CDH8: variants seen among roughly 807,000 people sequenced by gnomAD.
CDH8 encodes the protein cadherin-8.
A neutral mutation model predicts 68.1 loss-of-function variants in CDH8; 17 were observed. The observed-to-expected ratio is 0.25, with a 90% CI of 0.17 to 0.37. The LOEUF is 0.37. Among genes scored for constraint, CDH8 ranks in the 10% least tolerant of loss-of-function variants. The pLI is 1.00. For synonymous variants in CDH8, 372 were observed against 365.1 expected (o/e 1.02, Z -0.21); for missense variants, 763 against 999.3 (o/e 0.76, Z 3.19).
chr16:61,873,095 A>G (rs796735804), intron 3 of CDH8, among the ~76,000 whole-genome samples: 21 of 152,284 alleles, frequency 1.4e-4, no homozygotes, highest in African/African-American at 5.1e-4. Context: ...TGTTTCTATG[A>G]TTCTTTTCTA....
chr16:61,715,046 T>C (rs531079561), intron 9 of CDH8, among the ~76,000 whole-genome samples: 99 of 151,748 alleles, frequency 6.5e-4, no homozygotes, highest in African/African-American at 2.3e-3. Flanking sequence ...GGGCTTTGCA[T>C]TGTATCAAGC....
At chr16:61,872,851 C>G (rs1003892275) in intron 3 of CDH8, among the ~76,000 whole-genome samples, 1 of 152,126 alleles carries the variant, frequency 6.6e-6, no homozygotes, top group Non-Finnish European at 1.5e-5. Flanking sequence ...ACCTCTTTAA[C>G]AACACAACTC....
Position 61,836,955 on chromosome 16 carries a change from T to C in CDH8, c.668-11776A>G, listed in dbSNP as rs567955798. 2.3e-4 allele frequency among the ~76,000 whole-genome samples: 35 copies of C among 152,124 alleles called. No individual in the cohort carries two copies. The South Asian group carries it at 7.0e-3, about 31-fold the overall frequency. ...CACAGATCTCACAACTAACCCTGGA[T>C]AATCTTCTCACCACTCCTTTTGTTC... On this transcript the variant is annotated intron_variant, in intron 4 of 11. Coordinates refer to ENST00000577390, the MANE Select transcript of CDH8 (RefSeq NM_001796.5).
intron 8 of CDH8, among the ~76,000 whole-genome samples, chr16:61,777,882 C>T (rs1960940936): frequency 6.6e-6 from 1 of 152,066 alleles, no homozygotes; most frequent in Admixed American, 6.6e-5. Context: ...TGATTCCCTC[C>T]CCAGGAATCT....
chr16:61,886,113 T>G (rs1963668124), intron 3 of CDH8, among the ~76,000 whole-genome samples: 1 of 152,176 alleles, frequency 6.6e-6, no homozygotes. Flanking sequence ...TTCAGCTCAT[T>G]GCTTTTATCT....
Position 61,655,490 on chromosome 16 carries a change from G to A in CDH8, c.1886C>T (p.Ala629Val). The change falls in exon 11 of 12, where the codon GCA (alanine) becomes GTA (valine). Residue 629 changes from alanine (A) to valine (V), a missense_variant. Physicochemically the swap from Ala to Val is moderately conservative, Grantham distance 64. Coordinates refer to ENST00000577390, the MANE Select transcript of CDH8 (RefSeq NM_001796.5). ...LSMGALIAIL[A>V]CIILLLVIVV... Reference sequence around the variant, plus strand: ...CGTACCTAACAGCAAAATGATGCATGCTAATATGGCAATTAAGGCGCCCAT... The same window carrying A: ...CGTACCTAACAGCAAAATGATGCATACTAATATGGCAATTAAGGCGCCCAT... 6.2e-7 allele frequency: 1 copy of A among 1,614,112 alleles called. No homozygotes were observed.
intron 4 of CDH8, among the ~76,000 whole-genome samples, chr16:61,835,776 A>T (rs1296167099): frequency 4.6e-5 from 7 of 151,974 alleles, no homozygotes; most frequent in African/African-American, 9.7e-5. Flanking sequence ...ATTATGGTTT[A>T]AAAAAGCAAA....
intron 9 of CDH8, among the ~76,000 whole-genome samples, chr16:61,715,657 T>A (rs1246940796): frequency 6.6e-6 from 1 of 151,632 alleles, no homozygotes; most frequent in Non-Finnish European, 1.5e-5. Context: ...TGACCCAACA[T>A]GATCAGACTA....
chr16:61,911,310 T>C (rs1027773028), intron 2 of CDH8, among the ~76,000 whole-genome samples: 35 of 152,260 alleles, frequency 2.3e-4, no homozygotes, highest in African/African-American at 7.7e-4. Context: ...AAGCGATTAC[T>C]AACTAAATGA....
intron 2 of CDH8, among the ~76,000 whole-genome samples, chr16:61,928,852 T>G (rs1038075261): frequency 6.6e-6 from 1 of 152,210 alleles, no homozygotes; most frequent in African/African-American, 2.4e-5. Flanking sequence ...AAAGCAGAAG[T>G]GTCTGTCAAG....
intron 9 of CDH8, among the ~76,000 whole-genome samples, chr16:61,714,828 TAAC>T (rs370133440): frequency 1.3e-5 from 2 of 151,818 alleles, no homozygotes; most frequent in Non-Finnish European, 3.0e-5. Flanking sequence ...AAAAAGTAGT[TAAC>T]AGTGAAATGT....
rs1964738845 is a variant in CDH8, at chr16:61,716,763, T to G, written c.1537-2805A>C. ...TTAAGATTTTTGGTTAAACCACATT[T>G]GACACTTCAAAACAGATATCCCCTG... On this transcript the variant is annotated intron_variant, in intron 9 of 11. Coordinates refer to ENST00000577390, the MANE Select transcript of CDH8 (RefSeq NM_001796.5). Among the ~76,000 whole-genome samples the G allele has an allele frequency of 2.0e-5, 3 of 151,778 alleles. No individual in the cohort carries two copies. In the South Asian group the frequency reaches 6.2e-4, roughly 31 times the overall value.
At chr16:62,001,551 A>G (rs1263552188) in intron 2 of CDH8, among the ~76,000 whole-genome samples, 1 of 152,196 alleles carries the variant, frequency 6.6e-6, no homozygotes. Context: ...TTAACTTGTC[A>G]GTGATAATGA....
chr16:61,687,069 A>G (rs945693386), intron 10 of CDH8, among the ~76,000 whole-genome samples: 3 of 151,980 alleles, frequency 2.0e-5, no homozygotes, highest in Non-Finnish European at 4.4e-5. Flanking sequence ...CTTTAAAATT[A>G]TGTTGATACT....
intron 2 of CDH8, among the ~76,000 whole-genome samples, chr16:61,988,187 C>T (rs1965659113): frequency 6.6e-6 from 1 of 152,036 alleles, no homozygotes; most frequent in Non-Finnish European, 1.5e-5. Context: ...CAAAGGGAAA[C>T]TCAAACATAA....
At chr16:62,029,214 A>G (rs577712787) in intron 1 of CDH8, among the ~76,000 whole-genome samples, 7 of 152,206 alleles carry the variant, frequency 4.6e-5, no homozygotes, top group Admixed American at 2.6e-4. Flanking sequence ...CAATGTAGCT[A>G]TTGTAGTAAC....
chr16:61,954,229 A>C (rs1964946659), intron 2 of CDH8, among the ~76,000 whole-genome samples: 1 of 151,960 alleles, frequency 6.6e-6, no homozygotes, highest in Admixed American at 6.6e-5. Flanking sequence ...CACCATGGAG[A>C]AAGGAGGAGG....
chr16:61,975,116 C>A (rs1159876574), intron 2 of CDH8, among the ~76,000 whole-genome samples: 1 of 152,040 alleles, frequency 6.6e-6, no homozygotes, highest in Non-Finnish European at 1.5e-5. Flanking sequence ...ATTTTATCCT[C>A]ACAAAAGCAG....
At chr16:61,782,975 C>A (rs1247571469) in intron 8 of CDH8, among the ~76,000 whole-genome samples, 1 of 151,346 alleles carries the variant, frequency 6.6e-6, no homozygotes, top group Non-Finnish European at 1.5e-5. Flanking sequence ...GATAAAACCA[C>A]AAAGATGGGG....
Sources: gnomAD v4.1 joint callset for allele counts (sites outside exome capture counted in the v4.1 genomes callset) on GRCh38, gnomAD v4.1.1 for gene constraint, MANE v1.5 for transcripts, NCBI Gene and HGNC (gene_info 2026-07-23, HGNC 2026-07-21) for gene names.